Variants in DNAH17 observed in about 807,000 individuals in gnomAD.
DNAH17 encodes the protein axonemal beta dynein heavy chain 17.
A neutral mutation model predicts 485.6 loss-of-function variants in DNAH17; 376 were observed. The ratio of observed to expected loss-of-function variants is 0.77; its 90% CI spans 0.71 to 0.84. The LOEUF is 0.84. Ranked by LOEUF, DNAH17 falls within the 40% of genes least tolerant of loss-of-function variation. DNAH17 has a pLI of 0.00. For missense variants in DNAH17, 6,370 were observed against 5,839.3 expected (o/e 1.09, Z -2.96); for synonymous variants, 3,031 against 2,405.9 (o/e 1.26, Z -7.60).
intron 64 of DNAH17, among the ~76,000 whole-genome samples, chr17:78,454,003 C>G (rs1032996937): frequency 6.6e-6 from 1 of 152,138 alleles, no homozygotes; most frequent in Non-Finnish European, 1.5e-5. Context: ...CCACCACACC[C>G]GGGCTGGAAG....
intron 24 of DNAH17, among the ~76,000 whole-genome samples, chr17:78,526,042 A>ACTGGGCCCCAAGAGGCCCCC (rs1002389708): frequency 6.6e-6 from 1 of 152,218 alleles, no homozygotes; most frequent in Non-Finnish European, 1.5e-5. Context: ...CAAGGGCCCC[A>ACTGGGCCCCAAGAGGCCCCC]CTGGGCCCCA....
Position 78,459,995 on chromosome 17 carries a change from G to A in DNAH17, c.9442C>T (p.Leu3148=), listed in dbSNP as rs939827414. 2 of 1,612,704 alleles carry A rather than the reference G, an allele frequency of 1.2e-6. No individual in the cohort carries two copies. Among genetic ancestry groups the A allele is most frequent in the South Asian group, 1.1e-5 (1 of 91,028 alleles). The change falls in exon 60 of 81, where the codon CTG becomes TTG. Residue 3148 remains leucine (L), a synonymous_variant. Coordinates refer to ENST00000389840, the MANE Select transcript of DNAH17 (RefSeq NM_173628.4). ...EALDTLNKNN[L]TELKSFGSPP... is the part of the protein sequence containing the mutation. The stretch of plus-strand genomic sequence containing the variant: ...GACCCAAAGGACTTCAGCTCTGTCA[G>A]GTTGTTCTGCAAATGACAGACGGGA...
intron 16 of DNAH17, among the ~76,000 whole-genome samples, chr17:78,548,060 G>A (rs983688576): frequency 1.3e-5 from 2 of 152,134 alleles, no homozygotes; most frequent in African/African-American, 4.8e-5. Flanking sequence ...CACAGCACTA[G>A]TTCTAGTCTA....
chr17:78,442,667 G>A (rs557643785), intron 71 of DNAH17, among the ~76,000 whole-genome samples: 1 of 152,370 alleles, frequency 6.6e-6, no homozygotes, highest in African/African-American at 2.4e-5. Flanking sequence ...CTGACATGGT[G>A]GCTTTGACAA....
intron 63 of DNAH17, 116 bp from the exon 64 acceptor site, chr17:78,454,821 C>T (rs371084537): frequency 3.1e-5 from 27 of 865,422 alleles, no homozygotes; most frequent in African/African-American, 1.4e-4. Context: ...ACCAGCAGGA[C>T]GACCTGGGAG....
chr17:78,546,571 T>C (rs1342789330), intron 16 of DNAH17, among the ~76,000 whole-genome samples: 1 of 152,216 alleles, frequency 6.6e-6, no homozygotes, highest in Non-Finnish European at 1.5e-5. Context: ...GAACTTGCCA[T>C]TAAGTTTATT....
intron 16 of DNAH17, among the ~76,000 whole-genome samples, chr17:78,548,881 G>C (rs926167183): frequency 1.3e-5 from 2 of 152,244 alleles, no homozygotes; most frequent in African/African-American, 2.4e-5. Context: ...CCCCGGCTCT[G>C]CTTCCGCACC....
chr17:78,430,176 CGTTTTGGA>C (rs1568039688), intron 75 of DNAH17, among the ~76,000 whole-genome samples: 1 of 152,220 alleles, frequency 6.6e-6, no homozygotes, highest in Non-Finnish European at 1.5e-5. Context: ...TCCATGTGCC[CGTTTTGGA>C]GCCTCTTTCT....
intron 69 of DNAH17, among the ~76,000 whole-genome samples, chr17:78,446,263 G>A (rs1048960155): frequency 3.2e-5 from 4 of 126,190 alleles, no homozygotes; most frequent in Admixed American, 3.0e-4. Flanking sequence ...GCAGCATCGT[G>A]CAACCATCAG....
chr17:78,432,903 C>CG (rs1420059719), intron 75 of DNAH17, among the ~76,000 whole-genome samples: 2 of 2,528 alleles, frequency 7.9e-4, no homozygotes, highest in Non-Finnish European at 3.0e-3. Context: ...TTCAAACGTG[C>CG]CCCCCCCCCC....
In DNAH17 at chr17:78,472,538, A is replaced by G. The variant is rs942810863; in HGVS notation, c.8511+2740T>C. On this transcript the variant is annotated intron_variant, in intron 54 of 80. Coordinates refer to ENST00000389840, the MANE Select transcript of DNAH17 (RefSeq NM_173628.4). ...CTCATTCTGCTGACAGGCTTTCTTC[A>G]TGGGGCAGCCCAGCTCTGGCTGCTG... The G allele has an allele frequency of 1.2e-4, 34 of 283,476 alleles. 1 individual carries two copies. Among genetic ancestry groups the G allele is most frequent in the Non-Finnish European group, 2.1e-4 (30 of 141,658 alleles). The allele number at this position is 283,476 out of a possible 1,614,324, so 17.6% of individuals were successfully genotyped here.
chr17:78,568,632 C>T (rs923014723), intron 9 of DNAH17, among the ~76,000 whole-genome samples: 1 of 152,180 alleles, frequency 6.6e-6, no homozygotes, highest in Non-Finnish European at 1.5e-5. Context: ...GTCGCTCAGG[C>T]TGGACTGCAG....
intron 17 of DNAH17, among the ~76,000 whole-genome samples, chr17:78,542,233 C>T (rs565162021): frequency 2.1e-4 from 32 of 151,892 alleles, no homozygotes; most frequent in South Asian, 4.2e-4. Flanking sequence ...CTGCAACCTC[C>T]GCCTCCCAGG....
rs866317002 is a variant in DNAH17 at position 78,537,281 on chromosome 17, G to C, written c.2859+18C>G. On this transcript the variant is annotated intron_variant, in intron 19 of 80. Transcript: ENST00000389840. ...CAATGGATGACCCTGTGTACGGCCA[G>C]AAGAGGCCAGGACTGACCTTGTAGT... 2 of 1,551,912 alleles carry C rather than the reference G, an allele frequency of 1.3e-6. No homozygotes were observed. The highest frequency in any genetic ancestry group is 1.7e-4 in the Middle Eastern group (1 of 6,008).
rs190811861 is a variant in DNAH17, at chr17:78,484,884, T to G, written c.7633A>C (p.Met2545Leu). The G allele has an allele frequency of 1.9e-6, 3 of 1,571,362 alleles. No homozygotes were observed. The highest frequency in any genetic ancestry group is 2.6e-6 in the Non-Finnish European group (3 of 1,158,340). Residue 2545 changes from methionine to leucine, a missense_variant, in exon 48 of 81, where the codon ATG (methionine) becomes CTG (leucine). By Grantham distance (15) the Met-to-Leu change is conservative (BLOSUM62 2). Coordinates refer to ENST00000389840, the MANE Select transcript of DNAH17 (RefSeq NM_173628.4). The stretch of plus-strand genomic sequence containing the variant: ...CCGTCTAACCAGTGCCGGTGGTCCA[T>G]GTGCTGCCGGATGAGGGTGTGCGGG... ...VAPHTLIRQH[M>L]DHRHWYDRHK...
intron 15 of DNAH17, 80 bp downstream of exon 15, chr17:78,552,617 C>G (rs746819082): frequency 6.1e-6 from 6 of 989,958 alleles, no homozygotes; most frequent in Non-Finnish European, 9.7e-6. Context: ...AGTGACCACT[C>G]TAGTGGTGTT....
At chr17:78,455,903 C>T in intron 62 of DNAH17, 67 bp from the exon 63 acceptor site, 1 of 1,264,992 alleles carries the variant, frequency 7.9e-7, no homozygotes, top group Non-Finnish European at 1.1e-6. Context: ...GACAAGCCTC[C>T]ACCTCTGCAC....
chr17:78,554,920 T>A (rs150830546), intron 14 of DNAH17, among the ~76,000 whole-genome samples: 6 of 152,256 alleles, frequency 3.9e-5, no homozygotes, highest in East Asian at 3.9e-4. Context: ...GTAATTTTTT[T>A]ATTTTTTGTA....
intron 54 of DNAH17, among the ~76,000 whole-genome samples, chr17:78,474,398 A>G (rs1283985772): frequency 6.6e-6 from 1 of 152,246 alleles, no homozygotes. Flanking sequence ...ATTTTCAGGA[A>G]CAAGAAATCA....
Sources: allele counts gnomAD v4.1 joint callset (sites outside exome capture counted in the v4.1 genomes callset), GRCh38; gene constraint gnomAD v4.1.1; transcripts MANE v1.5; gene names NCBI Gene and HGNC (gene_info 2026-07-23, HGNC 2026-07-21).